The following CHIA variants were observed in gnomAD, a reference collection of about 807,000 sequenced individuals.
CHIA encodes acidic mammalian chitinase.
Under a neutral mutation model 53.5 loss-of-function variants are expected in CHIA, and 47 were observed. That is an observed-to-expected ratio of 0.88 (90% CI 0.70 to 1.12). The LOEUF is 1.12. Ranked by LOEUF, CHIA falls within the 50% of genes most tolerant of loss-of-function variation. The pLI is 0.00. For synonymous variants in CHIA, 268 were observed against 222.2 expected (o/e 1.21, Z -1.83); for missense variants, 652 against 592.2 (o/e 1.10, Z -1.05).
intron 2 of CHIA, 150 bp from the exon 3 acceptor site, chr1:111,311,539 G>A (rs1648672155): frequency 2.5e-6 from 2 of 808,914 alleles, no homozygotes; most frequent in Non-Finnish European, 4.2e-6. Context: ...ATCTACTGTT[G>A]TATTCACTGA....
At chr1:111,291,583 C>T (rs1026414231) in intron 1 of CHIA, among the ~76,000 whole-genome samples, 10 of 151,758 alleles carry the variant, frequency 6.6e-5, no homozygotes, top group East Asian at 3.9e-4. Context: ...ACCTAGATGA[C>T]GGGTTGATAG....
Position 111,319,211 on chromosome 1 carries a change from A to G in CHIA, c.1007A>G (p.Tyr336Cys). 6.2e-7 allele frequency: 1 copy of G among 1,614,234 alleles called. No individual in the cohort carries two copies. Residue 336 changes from tyrosine to cysteine, a missense_variant, in exon 10 of 12, where the codon TAT becomes TGT. Coordinates refer to ENST00000369740, the MANE Select transcript of CHIA (RefSeq NM_201653.4). ...TATCAGGGCAATGTGTGGGTTGGCT[A>G]TGACAACATCAAGAGCTTCGATATT... ...YAYQGNVWVG[Y>C]DNIKSFDIKA... is the part of the protein sequence containing the mutation.
intron 1 of CHIA, among the ~76,000 whole-genome samples, chr1:111,296,708 T>C (rs1382260561): frequency 1.3e-5 from 2 of 152,206 alleles, no homozygotes; most frequent in East Asian, 3.8e-4. Flanking sequence ...GGAACAAAGC[T>C]GGACGGAGAA....
chr1:111,299,939 A>G (rs2101612836), intron 1 of CHIA, among the ~76,000 whole-genome samples: 1 of 152,348 alleles, frequency 6.6e-6, no homozygotes, highest in East Asian at 1.9e-4. Flanking sequence ...CACCAATAAC[A>G]GACAAACAGA....
At chr1:111,310,917 G>C (rs1648611504) in intron 2 of CHIA, among the ~76,000 whole-genome samples, 1 of 152,188 alleles carries the variant, frequency 6.6e-6, no homozygotes, top group African/African-American at 2.4e-5. Flanking sequence ...AGTTATGCAA[G>C]TTGTCTTTGT....
At chr1:111,314,495 G>C (rs768134893) in intron 4 of CHIA, 45 bp from the exon 5 acceptor site, 4 of 1,313,786 alleles carry the variant, frequency 3.0e-6, no homozygotes, top group Non-Finnish European at 4.4e-6. Flanking sequence ...AATGGAGGGA[G>C]TCCTGACTTT....
At chr1:111,295,278 T>C (rs1385526608) in intron 1 of CHIA, among the ~76,000 whole-genome samples, 1 of 152,180 alleles carries the variant, frequency 6.6e-6, no homozygotes, top group Non-Finnish European at 1.5e-5. Flanking sequence ...CTTCCCAGGC[T>C]CAAGTGATTC....
At chr1:111,312,645 T>C (rs1450955790) in intron 4 of CHIA, among the ~76,000 whole-genome samples, 1 of 152,354 alleles carries the variant, frequency 6.6e-6, no homozygotes, top group East Asian at 1.9e-4. Context: ...TAATGTTTTT[T>C]GTGGTGAGAA....
At chr1:111,317,946 T>C in intron 7 of CHIA, 40 bp from the exon 8 acceptor site, 2 of 1,613,642 alleles carry the variant, frequency 1.2e-6, no homozygotes, top group Non-Finnish European at 8.5e-7. Context: ...GTGTGGGAAA[T>C]GACCATCAGA....
intron 4 of CHIA, among the ~76,000 whole-genome samples, chr1:111,313,013 A>T (rs1282408306): frequency 7.2e-6 from 1 of 139,244 alleles, no homozygotes; most frequent in Non-Finnish European, 1.7e-5. Context: ...AATAGTATTC[A>T]TTGTATATAA....
intron 1 of CHIA, among the ~76,000 whole-genome samples, chr1:111,292,775 A>G (rs1288808832): frequency 6.6e-6 from 1 of 152,108 alleles, no homozygotes; most frequent in Non-Finnish European, 1.5e-5. Context: ...GGAAACCACT[A>G]TTCTACTTTC....
chr1:111,302,384 T>G (rs1647827822), intron 1 of CHIA, among the ~76,000 whole-genome samples: 1 of 152,168 alleles, frequency 6.6e-6, no homozygotes, highest in Non-Finnish European at 1.5e-5. Context: ...AGTGTGAATA[T>G]TTAGAGTTAT....
At chr1:111,304,051 T>C (rs1434288720) in intron 1 of CHIA, among the ~76,000 whole-genome samples, 4 of 152,206 alleles carry the variant, frequency 2.6e-5, no homozygotes, top group African/African-American at 7.2e-5. Context: ...GAACTTTGAA[T>C]CTATCTGCCA....
chr1:111,303,513 A>G (rs1483372301), intron 1 of CHIA, among the ~76,000 whole-genome samples: 1 of 151,802 alleles, frequency 6.6e-6, no homozygotes, highest in East Asian at 1.9e-4. Flanking sequence ...ACACATATAT[A>G]GCTATTTTCT....
At chr1:111,291,004 G>C in intron 1 of CHIA, 54 bp downstream of exon 1, 1 of 366,370 alleles carries the variant, frequency 2.7e-6, no homozygotes, top group Non-Finnish European at 5.4e-6. Context: ...ATTGCAATTT[G>C]ATTGTTATAT....
At chr1:111,315,920 CACTATCCTTGGCTT>C (rs376128132) in intron 6 of CHIA, 240,127 of 444,974 alleles carry the variant, frequency 0.54, 66,719 homozygotes, top group South Asian at 0.64. Context: ...AAGAATAAGA[CACTATCCTTGGCTT>C]TGAAGAACTT....
intron 1 of CHIA, among the ~76,000 whole-genome samples, chr1:111,309,601 A>G (rs956120638): frequency 3.3e-5 from 5 of 152,228 alleles, no homozygotes; most frequent in African/African-American, 1.2e-4. Flanking sequence ...TTGAGCAAAG[A>G]CATGCAAGGC....
At chr1:111,294,221 T>C (rs1661204935) in intron 1 of CHIA, among the ~76,000 whole-genome samples, 1 of 152,242 alleles carries the variant, frequency 6.6e-6, no homozygotes, top group South Asian at 2.1e-4. Flanking sequence ...TTCCATTTAT[T>C]CACATTTTCT....
chr1:111,297,493 A>T (rs1235682825), intron 1 of CHIA, among the ~76,000 whole-genome samples: 1 of 152,178 alleles, frequency 6.6e-6, no homozygotes, highest in Non-Finnish European at 1.5e-5. Flanking sequence ...TAAGTGAAGG[A>T]GAAATAAAAT....
Sources: allele counts gnomAD v4.1 joint callset (sites outside exome capture counted in the v4.1 genomes callset), GRCh38; gene constraint gnomAD v4.1.1; transcripts MANE v1.5; gene names NCBI Gene and HGNC (gene_info 2026-07-23, HGNC 2026-07-21).